CLCN5: variants seen among roughly 807,000 people sequenced by gnomAD.
CLCN5 encodes H(+)/Cl(-) exchange transporter 5.
Under a neutral mutation model 54.0 loss-of-function variants are expected in CLCN5, and 17 were observed. That is an observed-to-expected ratio of 0.31 (90% CI 0.22 to 0.47). The LOEUF (loss-of-function observed/expected upper bound fraction) is 0.47. Among genes scored for constraint, CLCN5 ranks in the 20% least tolerant of loss-of-function variants. The pLI, the probability that CLCN5 is intolerant of heterozygous loss-of-function variation, is 1.00. For synonymous variants in CLCN5, 222 were observed against 233.0 expected (o/e 0.95, Z 0.43); for missense variants, 448 against 646.7 (o/e 0.69, Z 3.33).
At chrX:49,979,741 C>T (rs1557177442) in intron 3 of CLCN5, among the ~76,000 whole-genome samples, 1 of 110,323 alleles carries the variant, frequency 9.1e-6, no homozygotes, top group Non-Finnish European at 1.9e-5. Context: ...TGTATCACTT[C>T]ACATGTATTA....
intron 6 of CLCN5, among the ~76,000 whole-genome samples, chrX:50,075,014 A>G (rs1933351584): frequency 8.9e-6 from 1 of 112,142 alleles, no homozygotes; most frequent in African/African-American, 3.2e-5. Context: ...CTAAGTCCCC[A>G]GTTCACGATT....
intron 3 of CLCN5, among the ~76,000 whole-genome samples, chrX:49,942,130 A>T (rs1557171047): frequency 1.1e-5 from 1 of 88,887 alleles, no homozygotes; most frequent in Non-Finnish European, 2.2e-5. Context: ...TCTTTTTTTT[A>T]ATCTTGATTA....
chrX:50,064,881 G>C (rs1370362965), intron 4 of CLCN5, among the ~76,000 whole-genome samples: 7 of 107,444 alleles, frequency 6.5e-5, no homozygotes, highest in African/African-American at 2.5e-4. Flanking sequence ...TCTGATCTTT[G>C]ACAAACCTGA....
chrX:50,010,517 A>G (rs1557182378), intron 3 of CLCN5, among the ~76,000 whole-genome samples: 1 of 112,151 alleles, frequency 8.9e-6, no homozygotes, highest in Admixed American at 9.5e-5. Flanking sequence ...TGTTGGGATT[A>G]TAGGTGTGAG....
chrX:50,032,468 C>T (rs1399694976), intron 3 of CLCN5, among the ~76,000 whole-genome samples: 45 of 111,335 alleles, frequency 4.0e-4, no homozygotes, highest in Middle Eastern at 4.7e-3. Context: ...CTCTGATGGC[C>T]GGTGTTGGTG....
At chrX:50,071,992 C>T (rs1442268303) in intron 5 of CLCN5, among the ~76,000 whole-genome samples, 3 of 111,750 alleles carry the variant, frequency 2.7e-5, no homozygotes, top group African/African-American at 9.8e-5. Context: ...ATTGCTATCA[C>T]TTAGTATCGG....
intron 3 of CLCN5, among the ~76,000 whole-genome samples, chrX:49,969,845 AGT>A (rs1300983899): frequency 9.0e-6 from 1 of 111,658 alleles, no homozygotes; most frequent in Non-Finnish European, 1.9e-5. Context: ...TTATTGAGAG[AGT>A]GGTGTTGAAA....
chrX:50,005,599 A>G (rs188154276), intron 3 of CLCN5, among the ~76,000 whole-genome samples: 321 of 112,022 alleles, frequency 2.9e-3, no homozygotes, highest in Admixed American at 6.1e-3. Context: ...TAAAAAAACT[A>G]TTATAATAAA....
At chrX:50,037,207 G>C (rs1932038070) in intron 3 of CLCN5, among the ~76,000 whole-genome samples, 1 of 112,362 alleles carries the variant, frequency 8.9e-6, no homozygotes, top group East Asian at 2.8e-4. Context: ...TGTAGCTTGA[G>C]GGAGAAATGA....
At chrX:50,025,373 C>T (rs1407291629) in intron 3 of CLCN5, among the ~76,000 whole-genome samples, 1 of 88,838 alleles carries the variant, frequency 1.1e-5, no homozygotes, top group Non-Finnish European at 2.2e-5. Context: ...CCTGCGCCCA[C>T]TGTCTGGCAC....
At chrX:49,927,093 C>T (rs910901853) in intron 3 of CLCN5, among the ~76,000 whole-genome samples, 1 of 111,245 alleles carries the variant, frequency 9.0e-6, no homozygotes, top group African/African-American at 3.3e-5. Flanking sequence ...CACCTATGTA[C>T]TGTCAGGTCA....
chrX:49,958,965 A>G (rs1161690093), intron 3 of CLCN5, among the ~76,000 whole-genome samples: 3 of 112,060 alleles, frequency 2.7e-5, no homozygotes, highest in East Asian at 2.8e-4. Context: ...TGCACCTGCT[A>G]TAGCTACATT....
chrX:49,950,425 C>A (rs1183656000), intron 3 of CLCN5, among the ~76,000 whole-genome samples: 2 of 111,407 alleles, frequency 1.8e-5, no homozygotes, highest in African/African-American at 3.3e-5. Flanking sequence ...TGAATCCTTA[C>A]AATTTATCAG....
chrX:50,046,582 A>C (rs186634296), intron 4 of CLCN5, among the ~76,000 whole-genome samples: 1 of 111,321 alleles, frequency 9.0e-6, no homozygotes, highest in Non-Finnish European at 1.9e-5. Flanking sequence ...TGCAGGGGCT[A>C]GGGTAGGAGG....
intron 3 of CLCN5, among the ~76,000 whole-genome samples, chrX:49,987,966 C>G (rs2049119087): frequency 9.0e-6 from 1 of 111,354 alleles, no homozygotes; most frequent in Non-Finnish European, 1.9e-5. Context: ...CTTTTACACC[C>G]TTTCCTGCTT....
At chrX:50,082,757 T>C (rs991354061) in intron 9 of CLCN5, among the ~76,000 whole-genome samples, 1 of 112,272 alleles carries the variant, frequency 8.9e-6, no homozygotes, top group African/African-American at 3.2e-5. Context: ...ACAGAAAGAA[T>C]AGATTTTAAA....
intron 3 of CLCN5, among the ~76,000 whole-genome samples, chrX:49,933,435 T>C (rs1557169149): frequency 9.0e-6 from 1 of 111,681 alleles, no homozygotes. Context: ...AAGCACACAG[T>C]TGTGGAGGGA....
intron 13 of CLCN5, 60 bp downstream of exon 13, chrX:50,090,574 A>G (rs1895822524): frequency 2.6e-6 from 3 of 1,164,981 alleles, no homozygotes; most frequent in Non-Finnish European, 3.5e-6. Context: ...ATATGCCTGA[A>G]ATGGGGGAAG....
chrX:50,038,396 A>G (rs1240682161), intron 3 of CLCN5, among the ~76,000 whole-genome samples: 1 of 111,660 alleles, frequency 9.0e-6, no homozygotes, highest in East Asian at 2.8e-4. Flanking sequence ...AAGTGATCAA[A>G]TAAGTATCAT....
Sources: gnomAD v4.1 joint callset for allele counts (sites outside exome capture counted in the v4.1 genomes callset) on GRCh38, gnomAD v4.1.1 for gene constraint, MANE v1.5 for transcripts, NCBI Gene and HGNC (gene_info 2026-07-23, HGNC 2026-07-21) for gene names.